The following UNK variants were observed in gnomAD, a reference collection of about 807,000 sequenced individuals.
UNK encodes RING finger protein unkempt homolog.
In UNK, 32 loss-of-function variants were observed where a neutral mutation model predicts 97.6. The observed-to-expected ratio is 0.33, with a 90% CI of 0.25 to 0.44. UNK has a LOEUF of 0.44. Ranked by LOEUF, UNK falls within the 20% of genes least tolerant of loss-of-function variation. UNK has a pLI of 1.00. For missense variants in UNK, 771 were observed against 1,098.4 expected, an observed-to-expected ratio of 0.70 and a Z score of 4.21; for synonymous variants, 441 against 461.2, an observed-to-expected ratio of 0.96 and a Z score of 0.56.
At chr17:75,812,699 C>T (rs8067328) in intron 4 of UNK, 114 bp downstream of exon 4, 64,543 of 1,430,090 alleles carry the variant, frequency 0.045, 5,335 homozygotes, top group East Asian at 0.36. Flanking sequence ...CGACCTGGCC[C>T]GCATCCCACC....
At chr17:75,802,681 A>G (rs2061872156) in intron 1 of UNK, among the ~76,000 whole-genome samples, 3 of 152,208 alleles carry the variant, frequency 2.0e-5, no homozygotes, top group Admixed American at 6.5e-5. Context: ...AAGGAAAGCC[A>G]TTTACTGATG....
At chr17:75,785,942 G>A (rs2061706380) in intron 1 of UNK, 1 of 152,172 alleles carries the variant, frequency 6.6e-6, no homozygotes, top group African/African-American at 2.4e-5. Context: ...AACCTGGGGG[G>A]TTGAACAGCT....
At position 75,820,072 on chromosome 17, in the gene UNK, A is replaced by C; in HGVS notation, c.1801A>C (p.Thr601Pro). 6.2e-7 allele frequency: 1 copy of C among 1,613,422 alleles called. No homozygotes were observed. The highest frequency in any genetic ancestry group is 8.5e-7 in the Non-Finnish European group (1 of 1,179,620). ...PQGHLSQSEN[T>P]FLGTSASHGS... ...GGGCCACCTGAGTCAGTCGGAAAAC[A>C]CATTTTTGGGAACCTCAGCATCACA... is the stretch of plus-strand genomic sequence containing the variant. Residue 601 changes from threonine to proline, a missense_variant, in exon 13 of 16, where the codon ACA becomes CCA. Physicochemically the swap from Thr to Pro is conservative, Grantham distance 38. Transcript: ENST00000589666.
At chr17:75,800,995 C>T (rs1340483812) in intron 1 of UNK, among the ~76,000 whole-genome samples, 1 of 151,602 alleles carries the variant, frequency 6.6e-6, no homozygotes, top group Admixed American at 6.6e-5. Flanking sequence ...GCTCTGTCTC[C>T]CGGGTTCATA....
intron 1 of UNK, among the ~76,000 whole-genome samples, chr17:75,802,698 T>A (rs1190911570): frequency 1.3e-5 from 2 of 152,232 alleles, no homozygotes; most frequent in African/African-American, 4.8e-5. Flanking sequence ...GATGTTGAGT[T>A]AATTAAATTG....
chr17:75,801,093 C>T (rs2061853289), intron 1 of UNK, among the ~76,000 whole-genome samples: 2 of 151,748 alleles, frequency 1.3e-5, no homozygotes, highest in Admixed American at 6.6e-5. Flanking sequence ...TTAGTAGAGA[C>T]GGGGTTTCAC....
At chr17:75,788,316 A>G (rs1220836759) in intron 1 of UNK, among the ~76,000 whole-genome samples, 2 of 151,818 alleles carry the variant, frequency 1.3e-5, no homozygotes, top group East Asian at 3.9e-4. Flanking sequence ...AGTAGCTGGG[A>G]CTGCAGGCAC....
In UNK at chr17:75,819,101, C is replaced by T; in HGVS notation, c.1546+285C>T. On this transcript the variant is annotated intron_variant, in intron 11 of 15. Transcript: ENST00000589666. This position sits in a 1 kb window ranked among gnomAD's most constrained non-coding sequence, Gnocchi z 5.4. Reference sequence around the variant, plus strand: ...GACGTGTTGTTCAGTCCCCACTCATCTCACTGGTGTCCTTGTGTAGTGAAT... The same window carrying T: ...GACGTGTTGTTCAGTCCCCACTCATTTCACTGGTGTCCTTGTGTAGTGAAT... The T allele has an allele frequency of 8.1e-6, 3 of 370,644 alleles. No homozygotes were observed. Among genetic ancestry groups the T allele is most frequent in the Non-Finnish European group, 1.4e-5 (3 of 207,532 alleles). The allele number at this position is 370,644 out of a possible 1,614,324, so 23.0% of individuals were successfully genotyped here.
Position 75,819,838 on chromosome 17 carries a change from T to A in UNK, c.1648+53T>A. ...CTGGAGGACTCCTCGGGTTCCTGCC[T>A]GGCTCAGGCCCCTTGCTCTGTGTGG... On this transcript the variant is annotated intron_variant, in intron 12 of 15. Transcript: ENST00000589666. The surrounding 1 kb of genome is among the most constrained non-coding windows in gnomAD (Gnocchi z 5.4). The A allele has an allele frequency of 6.2e-7, 1 of 1,610,786 alleles. No homozygotes were observed. Among genetic ancestry groups the A allele is most frequent in the Non-Finnish European group, 8.5e-7 (1 of 1,178,328 alleles).
intron 13 of UNK, 95 bp from the exon 14 acceptor site, chr17:75,822,382 G>T: frequency 6.9e-7 from 1 of 1,440,570 alleles, no homozygotes; most frequent in Non-Finnish European, 9.4e-7. Flanking sequence ...CACCCATCCA[G>T]TGGACAGCCA....
intron 13 of UNK, among the ~76,000 whole-genome samples, chr17:75,822,222 C>T (rs186359128): frequency 7.9e-5 from 12 of 152,354 alleles, no homozygotes; most frequent in East Asian, 1.9e-4. Flanking sequence ...TCCCATTTCC[C>T]ACATGAGGGT....
At chr17:75,813,990 T>A (rs530523162) in intron 6 of UNK, 112 bp downstream of exon 6, 2 of 944,376 alleles carry the variant, frequency 2.1e-6, no homozygotes, top group South Asian at 3.4e-5. Flanking sequence ...GAAGAGGGAC[T>A]TGTGGCCACC....
At chr17:75,803,360 G>A (rs975585368) in intron 1 of UNK, among the ~76,000 whole-genome samples, 3 of 152,142 alleles carry the variant, frequency 2.0e-5, no homozygotes, top group East Asian at 1.9e-4. Flanking sequence ...CCTAGATCAC[G>A]CCACTGCATT....
chr17:75,793,072 G>A (rs1043091180), intron 1 of UNK, among the ~76,000 whole-genome samples: 3 of 152,192 alleles, frequency 2.0e-5, no homozygotes, highest in South Asian at 2.1e-4. Flanking sequence ...TAAGAAATAC[G>A]TATTCAGAAA....
chr17:75,813,903 G>A (rs755985928), intron 6 of UNK, 25 bp downstream of exon 6: 41 of 1,538,860 alleles, frequency 2.7e-5, no homozygotes, highest in Non-Finnish European at 3.4e-5. Flanking sequence ...AGGGTGGGGG[G>A]GTGGCTTTGG....
intron 1 of UNK, among the ~76,000 whole-genome samples, chr17:75,807,814 C>A (rs2061932779): frequency 6.6e-6 from 1 of 151,992 alleles, no homozygotes; most frequent in South Asian, 2.1e-4. Context: ...GTCTTGAACT[C>A]CAGACCTCAG....
chr17:75,812,728 A>G, intron 4 of UNK, 143 bp downstream of exon 4: 1 of 1,298,216 alleles, frequency 7.7e-7, no homozygotes, highest in Non-Finnish European at 1.0e-6. Flanking sequence ...ACCATTCAAA[A>G]GGCGCCTCTA....
intron 1 of UNK, chr17:75,785,897 T>C (rs1460381381): frequency 6.6e-6 from 1 of 151,972 alleles, no homozygotes; most frequent in African/African-American, 2.4e-5. Flanking sequence ...GTGATGTGCA[T>C]GTTTAAAAGG....
chr17:75,814,783 G>A (rs975350379), intron 6 of UNK, among the ~76,000 whole-genome samples: 1 of 152,214 alleles, frequency 6.6e-6, no homozygotes, highest in Non-Finnish European at 1.5e-5. Flanking sequence ...ACTTATATAG[G>A]TCACAACCCA....
Sources: allele counts gnomAD v4.1 joint callset (sites outside exome capture counted in the v4.1 genomes callset), GRCh38; gene constraint gnomAD v4.1.1; non-coding constraint Gnocchi (gnomAD v3.1); transcripts MANE v1.5; gene names NCBI Gene and HGNC (gene_info 2026-07-23, HGNC 2026-07-21).